KSR2: variants seen among roughly 807,000 people sequenced by gnomAD.
The protein encoded by KSR2 is kinase suppressor of ras 2.
A neutral mutation model predicts 107.8 loss-of-function variants in KSR2; 25 were observed. The observed-to-expected ratio is 0.23, with a 90% CI of 0.17 to 0.32. The LOEUF (loss-of-function observed/expected upper bound fraction) is 0.32. Among genes scored for constraint, KSR2 ranks in the 10% least tolerant of loss-of-function variants. KSR2 has a pLI of 1.00. For missense variants in KSR2, 887 were observed against 1,268.9 expected (o/e 0.70, Z 4.57); for synonymous variants, 480 against 507.0 (o/e 0.95, Z 0.71).
intron 1 of KSR2, among the ~76,000 whole-genome samples, chr12:117,862,760 C>T (rs1392334635): frequency 1.2e-4 from 17 of 142,864 alleles, no homozygotes; most frequent in Admixed American, 7.8e-4. Context: ...GACGGAGTCT[C>T]GCTCTGTCGC....
chr12:117,592,770 T>A (rs1378250009), intron 5 of KSR2, among the ~76,000 whole-genome samples: 2 of 151,256 alleles, frequency 1.3e-5, no homozygotes, highest in African/African-American at 4.9e-5. Flanking sequence ...ATCTTCCTTG[T>A]GGGGATGATG....
intron 14 of KSR2, among the ~76,000 whole-genome samples, chr12:117,521,286 C>A (rs1274005283): frequency 1.3e-5 from 2 of 152,210 alleles, no homozygotes; most frequent in Non-Finnish European, 1.5e-5. Context: ...ATCAGACAAG[C>A]AAAGAATACT....
At chr12:117,495,374 T>TA (rs906907342) in intron 14 of KSR2, among the ~76,000 whole-genome samples, 9 of 152,260 alleles carry the variant, frequency 5.9e-5, no homozygotes, top group Middle Eastern at 3.4e-3. Flanking sequence ...GGCTTTATAA[T>TA]AAAAAATGCC....
chr12:117,894,732 T>A (rs1404390525), intron 1 of KSR2, among the ~76,000 whole-genome samples: 1 of 76,948 alleles, frequency 1.3e-5, no homozygotes, highest in Non-Finnish European at 2.3e-5. Flanking sequence ...CGTCCCCATC[T>A]CCCTCTCCCC....
At chr12:117,942,976 T>C (rs1896056663) in intron 1 of KSR2, among the ~76,000 whole-genome samples, 2 of 152,212 alleles carry the variant, frequency 1.3e-5, no homozygotes, top group African/African-American at 2.4e-5. Flanking sequence ...TTAGAAATGC[T>C]ATAAAATATA....
chr12:117,674,337 AT>A, intron 4 of KSR2: 2 of 494,978 alleles, frequency 4.0e-6, no homozygotes, highest in Non-Finnish European at 8.1e-6. Flanking sequence ...ATTTGGTTCC[AT>A]TTTTGCTTTT....
At chr12:117,688,490 T>C (rs1371626537) in intron 4 of KSR2, among the ~76,000 whole-genome samples, 1 of 152,216 alleles carries the variant, frequency 6.6e-6, no homozygotes, top group African/African-American at 2.4e-5. Flanking sequence ...TTTATCATGC[T>C]TTCCAAAGAT....
chr12:117,543,842 T>C (rs956619234), intron 9 of KSR2, among the ~76,000 whole-genome samples: 1 of 152,230 alleles, frequency 6.6e-6, no homozygotes, highest in Non-Finnish European at 1.5e-5. Flanking sequence ...GGTAGAATCC[T>C]TCTTTGCCTC....
At chr12:117,618,413 C>A (rs143727461) in intron 5 of KSR2, among the ~76,000 whole-genome samples, 1 of 151,950 alleles carries the variant, frequency 6.6e-6, no homozygotes, top group African/African-American at 2.4e-5. Context: ...GTCTCTCAGC[C>A]GCCATTTTGG....
rs550870191 is a variant in KSR2 at position 117,670,318 on chromosome 12, G to A, written c.987-2660C>T. Among the ~76,000 whole-genome samples, 3 of 152,322 alleles carry A rather than the reference G, an allele frequency of 2.0e-5. No homozygotes were observed. In the South Asian group the frequency reaches 6.2e-4, roughly 32 times the overall value. The stretch of plus-strand genomic sequence containing the variant: ...AGGGACTGTATCAAGTGCTTTTCAT[G>A]TATGACCTCACTTAAGCGCCATGGT... On this transcript the variant is annotated intron_variant, in intron 4 of 19. Transcript: ENST00000339824.
intron 1 of KSR2, among the ~76,000 whole-genome samples, chr12:117,876,401 A>G (rs945138454): frequency 3.9e-5 from 6 of 152,200 alleles, no homozygotes; most frequent in Non-Finnish European, 5.9e-5. Flanking sequence ...GAGGGACCCA[A>G]CAGTCTGGGG....
At chr12:117,483,566 G>A (rs1220907977) in intron 16 of KSR2, among the ~76,000 whole-genome samples, 1 of 152,112 alleles carries the variant, frequency 6.6e-6, no homozygotes, top group African/African-American at 2.4e-5. Flanking sequence ...GCAAGAGAGA[G>A]AGAAGGAGAG....
chr12:117,851,986 G>C lies in KSR2; in HGVS notation c.472+3442C>G, dbSNP rs572958632. ...CAACATCTTCATCATGCATAAGAAG[G>C]AGGAGTATTGTTTCATGAAACATGC... is the stretch of plus-strand genomic sequence containing the variant. On this transcript the variant is annotated intron_variant, in intron 3 of 19. Transcript: ENST00000339824. 6.6e-5 allele frequency among the ~76,000 whole-genome samples: 10 copies of C among 152,228 alleles called. No homozygotes were observed. The East Asian group carries it at 1.7e-3, about 26-fold the overall frequency.
At position 117,968,838 on chromosome 12, in the gene KSR2, C is replaced by T; in HGVS notation, c.-583G>A. ...TAGCGCGTTCTCAAGGTGCTGTCTG[C>T]ATTGCTCCCGCGGCTGCGGCGGCTA... On this transcript the variant is annotated 5_prime_UTR_variant, in exon 1 of 20. An upstream start codon of the reference 5' UTR is lost. Coordinates refer to ENST00000339824, the MANE Select transcript of KSR2 (RefSeq NM_173598.6). 1 of 212,060 alleles carries T rather than the reference C, an allele frequency of 4.7e-6. No individual in the cohort carries two copies. The highest frequency in any genetic ancestry group is 5.2e-5 in the South Asian group (1 of 19,120). The allele number at this position is 212,060 out of a possible 1,614,324, so 13.1% of individuals were successfully genotyped here.
At chr12:117,772,573 T>C (rs1392909072) in intron 3 of KSR2, among the ~76,000 whole-genome samples, 97 of 55,654 alleles carry the variant, frequency 1.7e-3, no homozygotes, top group Middle Eastern at 0.019. Context: ...CACACACTCA[T>C]ACACACACAC....
At chr12:117,630,374 T>TGC (rs559988424) in intron 5 of KSR2, among the ~76,000 whole-genome samples, 77 of 151,992 alleles carry the variant, frequency 5.1e-4, no homozygotes, top group Non-Finnish European at 8.7e-4. Flanking sequence ...TGTGTGTGTG[T>TGC]GCATGTGTAT....
intron 16 of KSR2, among the ~76,000 whole-genome samples, chr12:117,480,359 G>A (rs76135260): frequency 0.018 from 2,777 of 152,224 alleles, 90 homozygotes; most frequent in African/African-American, 0.064. Flanking sequence ...GACAGGCCTG[G>A]CACTAACACC....
At chr12:117,856,277 A>C (rs936524054) in intron 2 of KSR2, among the ~76,000 whole-genome samples, 2 of 152,152 alleles carry the variant, frequency 1.3e-5, no homozygotes, top group African/African-American at 2.4e-5. Flanking sequence ...GGGCAGGTGA[A>C]CTTTCACCGC....
chr12:117,467,187 G>T lies in KSR2; in HGVS notation c.*12C>A. ...AGCCCAGGCAGCTGGGCGCCGTCCCGATGTCCAAAGGTCACAGCCTGGAGT... is the reference window on the plus strand; with the variant it reads ...AGCCCAGGCAGCTGGGCGCCGTCCCTATGTCCAAAGGTCACAGCCTGGAGT... On this transcript the variant is annotated 3_prime_UTR_variant, in exon 20 of 20. Coordinates refer to ENST00000339824, the MANE Select transcript of KSR2 (RefSeq NM_173598.6). The T allele has an allele frequency of 1.4e-6, 1 of 723,568 alleles. No individual in the cohort carries two copies. The highest frequency in any genetic ancestry group is 1.5e-5 in the South Asian group (1 of 66,102). 44.8% of individuals were successfully genotyped at this position (723,568 alleles called of 1,614,324 possible). A position where few individuals can be genotyped will look rare whatever the true frequency, so the allele number is the denominator to read the frequency against.
Sources: allele counts gnomAD v4.1 joint callset (sites outside exome capture counted in the v4.1 genomes callset), GRCh38; gene constraint gnomAD v4.1.1; transcripts MANE v1.5; gene names NCBI Gene and HGNC (gene_info 2026-07-23, HGNC 2026-07-21).